The following COG5 variants were observed in gnomAD, a reference collection of about 807,000 sequenced individuals.
COG5 encodes the protein component of oligomeric golgi complex 5.
COG5 carries 86 observed loss-of-function variants against 110.4 expected under a neutral mutation model. The observed-to-expected ratio is 0.78, with a 90% CI of 0.65 to 0.93. COG5 has a LOEUF of 0.93. COG5 is among the 40% of genes least tolerant of loss of function. COG5 has a pLI of 0.00. For synonymous variants in COG5, 360 were observed against 334.6 expected (o/e 1.08, Z -0.83); for missense variants, 1,077 against 987.0 (o/e 1.09, Z -1.22).
chr7:107,258,488 A>C, intron 14 of COG5, 105 bp from the exon 15 acceptor site: 2 of 766,604 alleles, frequency 2.6e-6, no homozygotes, highest in Non-Finnish European at 4.7e-6. Flanking sequence ...ACATTCTTTA[A>C]CCGGGGAGAA....
intron 10 of COG5, among the ~76,000 whole-genome samples, chr7:107,326,722 C>T (rs1332600585): frequency 1.3e-5 from 2 of 152,102 alleles, no homozygotes; most frequent in African/African-American, 4.8e-5. Context: ...CCATACTCCC[C>T]AAATGATCTG....
intron 3 of COG5, among the ~76,000 whole-genome samples, chr7:107,549,459 C>A (rs1802720394): frequency 6.6e-6 from 1 of 151,988 alleles, no homozygotes; most frequent in African/African-American, 2.4e-5. Context: ...TGGCTTGATC[C>A]CCCCTCACTG....
intron 6 of COG5, among the ~76,000 whole-genome samples, chr7:107,504,829 G>A (rs1054309618): frequency 1.3e-5 from 2 of 152,046 alleles, no homozygotes; most frequent in Admixed American, 1.3e-4. Context: ...TGCGTTCTGT[G>A]GCATTGGTTG....
chr7:107,350,187 T>C (rs867838274), intron 10 of COG5, among the ~76,000 whole-genome samples: 5 of 152,218 alleles, frequency 3.3e-5, no homozygotes, highest in African/African-American at 9.6e-5. Context: ...GTTAGGCTTA[T>C]ATTAAAACCT....
At chr7:107,320,842 T>C (rs868759638) in intron 11 of COG5, among the ~76,000 whole-genome samples, 7 of 152,310 alleles carry the variant, frequency 4.6e-5, no homozygotes, top group South Asian at 2.1e-4. Flanking sequence ...ACTGATGTTT[T>C]TGGAAGCTCA....
intron 8 of COG5, among the ~76,000 whole-genome samples, chr7:107,371,668 G>A (rs1180322229): frequency 1.3e-5 from 2 of 152,098 alleles, no homozygotes; most frequent in African/African-American, 4.8e-5. Context: ...AGGTAGTAGA[G>A]CTGAAGAAAG....
chr7:107,317,601 C>T (rs1808872672), intron 11 of COG5, among the ~76,000 whole-genome samples: 1 of 152,098 alleles, frequency 6.6e-6, no homozygotes, highest in Non-Finnish European at 1.5e-5. Context: ...ATTATTACTG[C>T]TTTGAATTTG....
At chr7:107,551,908 A>T (rs1047218663) in intron 3 of COG5, among the ~76,000 whole-genome samples, 2 of 152,194 alleles carry the variant, frequency 1.3e-5, no homozygotes, top group Non-Finnish European at 2.9e-5. Context: ...GAGCCACTGC[A>T]CCCTGGCCTA....
chr7:107,219,765 A>G (rs1799776454), intron 19 of COG5, among the ~76,000 whole-genome samples: 1 of 152,204 alleles, frequency 6.6e-6, no homozygotes. Flanking sequence ...CTATTGCACA[A>G]CATGACGACT....
chr7:107,294,021 G>A (rs928185818), intron 12 of COG5, among the ~76,000 whole-genome samples: 3 of 152,058 alleles, frequency 2.0e-5, no homozygotes, highest in Non-Finnish European at 2.9e-5. Context: ...GCTGTGAGCA[G>A]ATATCACACC....
chr7:107,545,970 A>T (rs969333844), intron 5 of COG5, among the ~76,000 whole-genome samples: 1 of 152,108 alleles, frequency 6.6e-6, no homozygotes, highest in African/African-American at 2.4e-5. Context: ...CATATGTTAG[A>T]CCAGAAAATA....
chr7:107,361,344 C>CAATG (rs1813095994), intron 10 of COG5, among the ~76,000 whole-genome samples: 1 of 152,070 alleles, frequency 6.6e-6, no homozygotes, highest in Non-Finnish European at 1.5e-5. Flanking sequence ...TGGGAAAAAT[C>CAATG]AATGACCTTC....
chr7:107,406,615 C>T (rs1163628253), intron 7 of COG5, among the ~76,000 whole-genome samples: 1 of 151,962 alleles, frequency 6.6e-6, no homozygotes, highest in Admixed American at 6.6e-5. Context: ...TACTTTCTTA[C>T]TTTAAATATA....
At position 107,386,083 on chromosome 7, in the gene COG5, T is replaced by C. The variant is rs148458570; in HGVS notation, c.670-13323A>G. Among the ~76,000 whole-genome samples, 1,407 of 151,858 alleles carry C rather than the reference T, an allele frequency of 9.3e-3. 23 individuals are homozygous for C. Among genetic ancestry groups the C allele is most frequent in the African/African-American group, 0.032 (1,309 of 41,384 alleles). ...GGAAAAACTGTAAAATAAACCTTCT[T>C]GGAAGTCCAGAAGGTTTTTACAAAA... On this transcript the variant is annotated intron_variant, in intron 7 of 21. Coordinates refer to ENST00000297135, the MANE Select transcript of COG5 (RefSeq NM_006348.5).
rs960108609 is a variant in COG5, at chr7:107,202,402, T to C, written c.*1114A>G. On this transcript the variant is annotated 3_prime_UTR_variant, in exon 22 of 22. Coordinates refer to ENST00000297135, the MANE Select transcript of COG5 (RefSeq NM_006348.5). ...GTTACTTACCAAGTGGTGTTTCTGG[T>C]TAGGAATCACAGCTGTAAAATTGAT... 6.6e-6 allele frequency: 1 copy of C among 152,642 alleles called. No individual in the cohort carries two copies. Among genetic ancestry groups the C allele is most frequent in the Non-Finnish European group, 1.5e-5 (1 of 68,046 alleles). The allele number at this position is 152,642 out of a possible 1,614,324, so 9.5% of individuals were successfully genotyped here. A position where few individuals can be genotyped will look rare whatever the true frequency, so the allele number is the denominator to read the frequency against.
chr7:107,529,175 T>C (rs950015093), intron 5 of COG5, among the ~76,000 whole-genome samples: 2 of 152,066 alleles, frequency 1.3e-5, no homozygotes, highest in African/African-American at 2.4e-5. Context: ...AGAAATAACA[T>C]TGAAAAGTCA....
At chr7:107,224,247 T>G (rs546350991) in intron 19 of COG5, among the ~76,000 whole-genome samples, 18 of 152,224 alleles carry the variant, frequency 1.2e-4, no homozygotes, top group Non-Finnish European at 1.9e-4. Context: ...GACGGCCTTC[T>G]TTCAGTTCTA....
At chr7:107,386,431 CGCA>C (rs1200350426) in intron 7 of COG5, among the ~76,000 whole-genome samples, 1 of 152,054 alleles carries the variant, frequency 6.6e-6, no homozygotes, top group Non-Finnish European at 1.5e-5. Flanking sequence ...GACAGACCCC[CGCA>C]GCTGGTGCCC....
At chr7:107,255,548 AT>A (rs1172509502) in intron 16 of COG5, among the ~76,000 whole-genome samples, 3 of 151,748 alleles carry the variant, frequency 2.0e-5, no homozygotes, top group African/African-American at 7.3e-5. Flanking sequence ...CCTTCTTCTG[AT>A]TGTTCTTTCC....
Sources: gnomAD v4.1 joint callset for allele counts (sites outside exome capture counted in the v4.1 genomes callset) on GRCh38, gnomAD v4.1.1 for gene constraint, MANE v1.5 for transcripts, NCBI Gene and HGNC (gene_info 2026-07-23, HGNC 2026-07-21) for gene names.